FRMPD1: variants seen among roughly 807,000 people sequenced by gnomAD.
The protein encoded by FRMPD1 is FERM and PDZ domain containing 1.
A neutral mutation model predicts 117.8 loss-of-function variants in FRMPD1; 76 were observed. That is an observed-to-expected ratio of 0.65 (90% confidence interval 0.54 to 0.78). The LOEUF is 0.78. FRMPD1 is among the 30% of genes least tolerant of loss of function. The pLI, the probability that FRMPD1 is intolerant of heterozygous loss-of-function variation, is 0.00. For synonymous variants in FRMPD1, 783 were observed against 770.4 expected (o/e 1.02, Z -0.27); for missense variants, 1,786 against 1,964.5 (o/e 0.91, Z 1.72).
chr9:37,617,349 T>G, the FRMPD1 span, among the ~76,000 whole-genome samples: 1 of 152,172 alleles, frequency 6.6e-6, no homozygotes, highest in African/African-American at 2.4e-5. Context: ...AGCGTTGCAT[T>G]CAGTACATGC....
intron 5 of FRMPD1, among the ~76,000 whole-genome samples, chr9:37,714,168 A>G (rs1823015586): frequency 1.3e-5 from 2 of 152,266 alleles, no homozygotes; most frequent in African/African-American, 4.8e-5. Context: ...TGAAACCAAT[A>G]TGGAAACAGG....
At chr9:37,624,833 T>A in the FRMPD1 span, among the ~76,000 whole-genome samples, 1 of 152,250 alleles carries the variant, frequency 6.6e-6, no homozygotes, top group Admixed American at 6.5e-5. Context: ...GGCTGCTCAA[T>A]CAATGGTTAT....
intron 2 of FRMPD1, among the ~76,000 whole-genome samples, chr9:37,703,882 T>C (rs1822613189): frequency 6.6e-6 from 1 of 152,246 alleles, no homozygotes; most frequent in Admixed American, 6.5e-5. Context: ...TGGAATACGG[T>C]ATTTTATTTA....
At chr9:37,661,802 T>C (rs903220895) in intron 1 of FRMPD1, 1 of 152,372 alleles carries the variant, frequency 6.6e-6, no homozygotes, top group Admixed American at 6.5e-5. Flanking sequence ...TAGACTGTTT[T>C]GTGTTGCTCT....
intron 1 of FRMPD1, among the ~76,000 whole-genome samples, chr9:37,687,048 A>C (rs559520037): frequency 5.9e-5 from 9 of 152,312 alleles, no homozygotes; most frequent in African/African-American, 2.2e-4. Context: ...CATGTATTCC[A>C]TGGATGTGTC....
At chr9:37,621,356 A>G in the FRMPD1 span, among the ~76,000 whole-genome samples, 4 of 152,192 alleles carry the variant, frequency 2.6e-5, no homozygotes, top group African/African-American at 9.7e-5. Context: ...ATTTAGCAGA[A>G]AGTGGTTACG....
intron 5 of FRMPD1, among the ~76,000 whole-genome samples, chr9:37,715,121 GA>G (rs1351791931): frequency 3.3e-5 from 5 of 152,266 alleles, no homozygotes; most frequent in African/African-American, 1.2e-4. Flanking sequence ...AGAATTTTAT[GA>G]AAATGTTCTG....
the FRMPD1 span, among the ~76,000 whole-genome samples, chr9:37,623,406 T>C: frequency 6.6e-6 from 1 of 152,220 alleles, no homozygotes; most frequent in Admixed American, 6.5e-5. Flanking sequence ...AAAGCAGTTG[T>C]TTATCTCTTA....
At chr9:37,641,203 T>G in the FRMPD1 span, among the ~76,000 whole-genome samples, 1 of 152,146 alleles carries the variant, frequency 6.6e-6, no homozygotes, top group Non-Finnish European at 1.5e-5. Flanking sequence ...TTGCAAGAAG[T>G]ATCATCTTTC....
the FRMPD1 span, among the ~76,000 whole-genome samples, chr9:37,637,963 G>GCTTCTTTTCTTTCTTT: frequency 3.0e-5 from 3 of 100,028 alleles, no homozygotes; most frequent in Admixed American, 1.1e-4. Flanking sequence ...AATGGTGTAT[G>GCTTCTTTTCTTTCTTT]CTTTCTTTCT....
At chr9:37,706,978 T>TC (rs757540237) in intron 2 of FRMPD1, among the ~76,000 whole-genome samples, 1,565 of 134,198 alleles carry the variant, frequency 0.012, 8 homozygotes, top group African/African-American at 0.021. Context: ...ATCCATCCAT[T>TC]CATTCATTGA....
At chr9:37,732,153 C>A in intron 9 of FRMPD1, 151 bp from the exon 10 acceptor site, 1 of 708,780 alleles carries the variant, frequency 1.4e-6, no homozygotes, top group South Asian at 1.8e-5. Context: ...CTTGGAGAGT[C>A]TTGGTAACTT....
chr9:37,629,205 A>G, the FRMPD1 span, among the ~76,000 whole-genome samples: 4 of 152,124 alleles, frequency 2.6e-5, no homozygotes, highest in African/African-American at 4.8e-5. Context: ...TCTCCAAAAA[A>G]AAAAGAAATT....
At chr9:37,733,880 C>T (rs1824005938) in intron 12 of FRMPD1, 55 bp downstream of exon 12, 1 of 979,246 alleles carries the variant, frequency 1.0e-6, no homozygotes. Flanking sequence ...TAGAGATCCT[C>T]TGAAAATCAA....
rs1298279091 is a variant in FRMPD1, at chr9:37,746,127, C to A, written c.4095C>A (p.Pro1365=). 1.2e-6 allele frequency: 2 copies of A among 1,614,126 alleles called. No homozygotes were observed. The highest frequency in any genetic ancestry group is 8.5e-7 in the Non-Finnish European group (1 of 1,180,030). Residue 1365 remains proline, a synonymous_variant, in exon 16 of 16, where the codon CCC becomes CCA. Coordinates refer to ENST00000377765, the MANE Select transcript of FRMPD1 (RefSeq NM_014907.3). ...DRDLEAHPMA[P]LTSPPSAGSP... is the part of the protein sequence containing the mutation. ...ACTTGGAAGCACACCCCATGGCCCC[C>A]CTCACCTCACCGCCCTCTGCGGGAA...
At position 37,735,403 on chromosome 9, in the gene FRMPD1, G is replaced by T. The variant is rs143432567; in HGVS notation, c.1219-149G>T. On this transcript the variant is annotated intron_variant, in intron 12 of 15. Transcript: ENST00000377765. ...ACACTTTGATTTAGCTGTTGATGGG[G>T]TCCAAGTTAGGCAATAGTCTGGAGG... is the stretch of plus-strand genomic sequence containing the variant. The T allele has an allele frequency of 2.2e-3, 1,374 of 632,404 alleles. 3 individuals carry two copies. Among genetic ancestry groups the T allele is most frequent in the Non-Finnish European group, 3.3e-3 (1,165 of 356,196 alleles). The allele number at this position is 632,404 out of a possible 1,614,324, so 39.2% of individuals were successfully genotyped here. A position where few individuals can be genotyped will look rare whatever the true frequency, so the allele number is the denominator to read the frequency against.
chr9:37,739,032 G>T (rs1206108313), intron 14 of FRMPD1, among the ~76,000 whole-genome samples: 1 of 152,102 alleles, frequency 6.6e-6, no homozygotes, highest in African/African-American at 2.4e-5. Flanking sequence ...AAAAGAGATA[G>T]GAGCCCCACC....
the FRMPD1 span, among the ~76,000 whole-genome samples, chr9:37,603,645 TTTTTG>T: frequency 2.6e-5 from 4 of 151,578 alleles, no homozygotes; most frequent in South Asian, 2.1e-4. Flanking sequence ...GCTAATAGGT[TTTTTG>T]TTTTGTTTTG....
At chr9:37,647,526 A>AG (rs1824164603), upstream of FRMPD1, among the ~76,000 whole-genome samples, 1 of 152,038 alleles carries the variant, frequency 6.6e-6, no homozygotes, top group African/African-American at 2.4e-5. Flanking sequence ...AAAAAAAAAA[A>AG]AAGTAATCTA....
Sources: gnomAD v4.1 joint callset for allele counts (sites outside exome capture counted in the v4.1 genomes callset) on GRCh38, gnomAD v4.1.1 for gene constraint, MANE v1.5 for transcripts, NCBI Gene and HGNC (gene_info 2026-07-23, HGNC 2026-07-21) for gene names.